The following EXOC6B variants were observed in gnomAD, a reference collection of about 807,000 sequenced individuals.
The protein encoded by EXOC6B is SEC15 homolog B.
A neutral mutation model predicts 113.5 loss-of-function variants in EXOC6B; 54 were observed. The observed-to-expected ratio is 0.48, with a 90% CI of 0.38 to 0.60. The LOEUF (loss-of-function observed/expected upper bound fraction) is 0.60, where lower values mean the gene tolerates loss of function less well. Among genes scored for constraint, EXOC6B ranks in the 20% least tolerant of loss-of-function variants. The pLI, the probability that EXOC6B is intolerant of heterozygous loss-of-function variation, is 0.00. For synonymous variants in EXOC6B, 357 were observed against 339.0 expected, an observed-to-expected ratio of 1.05 and a Z score of -0.58; for missense variants, 797 against 977.5, an observed-to-expected ratio of 0.82 and a Z score of 2.46.
In EXOC6B at chr2:72,334,928, C is replaced by T. The variant is rs1688603244; in HGVS notation, c.2196+19G>A. The T allele has an allele frequency of 1.2e-6, 2 of 1,612,218 alleles. No homozygotes were observed. The highest frequency in any genetic ancestry group is 2.2e-5 in the East Asian group (1 of 44,842). ...CACATCTTAAAAGAAAAACAAAAAACAAAAACACAAAGACTTACTTGTCTC... is the reference window on the plus strand; with the variant it reads ...CACATCTTAAAAGAAAAACAAAAAATAAAAACACAAAGACTTACTTGTCTC... On this transcript the variant is annotated intron_variant, in intron 20 of 21. Transcript: ENST00000272427.
At chr2:72,798,633 T>C (rs1263619466) in intron 1 of EXOC6B, among the ~76,000 whole-genome samples, 1 of 152,116 alleles carries the variant, frequency 6.6e-6, no homozygotes, top group Non-Finnish European at 1.5e-5. Flanking sequence ...CCATAAAAAT[T>C]CCATTATTTC....
chr2:72,518,415 G>C lies in EXOC6B; in HGVS notation c.916-3289C>G, dbSNP rs138933216. 2.2e-3 allele frequency among the ~76,000 whole-genome samples: 328 copies of C among 151,830 alleles called. 1 individual carries two copies. The highest frequency in any genetic ancestry group is 3.8e-3 in the Non-Finnish European group (260 of 67,956). ...AGTACCTGTACTTACTGAATTTATA[G>C]ACTATGGAAGACTGACAAACAAGCA... On this transcript the variant is annotated intron_variant, in intron 8 of 21. Transcript: ENST00000272427.
chr2:72,499,950 A>G lies in EXOC6B; in HGVS notation c.1190T>C (p.Leu397Pro). The G allele has an allele frequency of 1.3e-6, 2 of 1,552,528 alleles. No individual in the cohort carries two copies. Among genetic ancestry groups the G allele is most frequent in the Non-Finnish European group, 1.7e-6 (2 of 1,146,894 alleles). Residue 397 changes from leucine to proline, a missense_variant, in exon 12 of 22, where the codon CTT (leucine) becomes CCT (proline). Transcript: ENST00000272427. ...THSSYCSDPNLVLDLKNLIVL... is the reference protein window; with the variant it reads ...THSSYCSDPNPVLDLKNLIVL... ...AATGAGGTTCTTCAAATCTAACACA[A>G]GGTTTGGATCAGAACAGTAAGACTA...
chr2:72,412,754 A>G (rs1388604228), intron 18 of EXOC6B, among the ~76,000 whole-genome samples: 2 of 152,138 alleles, frequency 1.3e-5, no homozygotes, highest in African/African-American at 4.8e-5. Context: ...TTTAGTTCTT[A>G]GTTATTTCTA....
intron 1 of EXOC6B, among the ~76,000 whole-genome samples, chr2:72,758,166 C>CCA (rs1682546051): frequency 1.1e-5 from 1 of 93,822 alleles, no homozygotes. Flanking sequence ...GACTCTGTCT[C>CCA]AAAAAAAAAA....
chr2:72,711,383 A>G (rs1471594695), intron 6 of EXOC6B, among the ~76,000 whole-genome samples: 1 of 152,180 alleles, frequency 6.6e-6, no homozygotes, highest in African/African-American at 2.4e-5. Flanking sequence ...ATCTACTTCT[A>G]TGTTAAAAAC....
chr2:72,449,993 C>T (rs1246764779), intron 18 of EXOC6B, among the ~76,000 whole-genome samples: 1 of 152,168 alleles, frequency 6.6e-6, no homozygotes, highest in Non-Finnish European at 1.5e-5. Context: ...ACAGAAAGAG[C>T]AACTAGGTAT....
intron 15 of EXOC6B, among the ~76,000 whole-genome samples, chr2:72,493,936 C>T (rs1489457148): frequency 6.6e-6 from 1 of 152,076 alleles, no homozygotes; most frequent in Non-Finnish European, 1.5e-5. Flanking sequence ...TCTCATGTTC[C>T]ATGTTAGCCT....
intron 6 of EXOC6B, among the ~76,000 whole-genome samples, chr2:72,635,009 T>C (rs1672725750): frequency 1.3e-5 from 2 of 149,832 alleles, no homozygotes; most frequent in African/African-American, 4.9e-5. Flanking sequence ...TAAAAATACA[T>C]AGAACTGAAT....
chr2:72,459,719 T>G (rs1024165607), intron 18 of EXOC6B, among the ~76,000 whole-genome samples: 1 of 152,124 alleles, frequency 6.6e-6, no homozygotes, highest in Non-Finnish European at 1.5e-5. Context: ...TACAAACAAA[T>G]GGAAGAACAT....
At chr2:72,723,728 A>G (rs1294177632) in intron 5 of EXOC6B, among the ~76,000 whole-genome samples, 1 of 150,226 alleles carries the variant, frequency 6.7e-6, no homozygotes, top group Non-Finnish European at 1.5e-5. Flanking sequence ...TAGAAAAATC[A>G]GTATTTATAG....
intron 20 of EXOC6B, among the ~76,000 whole-genome samples, chr2:72,255,581 C>G (rs1383973234): frequency 6.6e-6 from 1 of 152,150 alleles, no homozygotes; most frequent in African/African-American, 2.4e-5. Context: ...TCAGTTTCCC[C>G]CTTTTGGAAT....
intron 8 of EXOC6B, among the ~76,000 whole-genome samples, chr2:72,520,057 CT>C (rs900253163): frequency 6.6e-6 from 1 of 152,136 alleles, no homozygotes; most frequent in Non-Finnish European, 1.5e-5. Flanking sequence ...ACACATAACC[CT>C]TTTAATTCTT....
chr2:72,617,517 CTTTTTT>C (rs201912352), intron 6 of EXOC6B, among the ~76,000 whole-genome samples: 2 of 96,954 alleles, frequency 2.1e-5, no homozygotes, highest in Non-Finnish European at 2.0e-5. Context: ...AATCTTTTTT[CTTTTTT>C]TTTTTTTTTT....
At chr2:72,521,930 T>C (rs1558759132) in intron 8 of EXOC6B, among the ~76,000 whole-genome samples, 1 of 152,190 alleles carries the variant, frequency 6.6e-6, no homozygotes, top group African/African-American at 2.4e-5. Context: ...TCTCGTGACC[T>C]TGTGATCCAC....
chr2:72,601,128 G>A (rs1213226922), intron 6 of EXOC6B, among the ~76,000 whole-genome samples: 1 of 3,188 alleles, frequency 3.1e-4, no homozygotes, highest in African/African-American at 1.9e-3. Flanking sequence ...GTGTGTATGT[G>A]TGTGTGTGTG....
intron 8 of EXOC6B, among the ~76,000 whole-genome samples, chr2:72,535,619 T>C (rs1035895095): frequency 6.6e-6 from 1 of 152,128 alleles, no homozygotes; most frequent in Admixed American, 6.5e-5. Flanking sequence ...ACGCCTGTAA[T>C]TCAAGCACTT....
chr2:72,394,753 G>A (rs1226510668), intron 18 of EXOC6B, among the ~76,000 whole-genome samples: 1 of 152,074 alleles, frequency 6.6e-6, no homozygotes, highest in Non-Finnish European at 1.5e-5. Flanking sequence ...AAATATTAAT[G>A]AGCAAAAGGT....
chr2:72,710,689 T>C (rs1435000251), intron 6 of EXOC6B, among the ~76,000 whole-genome samples: 2 of 152,202 alleles, frequency 1.3e-5, no homozygotes, highest in Non-Finnish European at 2.9e-5. Context: ...CAGTCAATAG[T>C]ACTGTGCCAG....
Sources: allele counts gnomAD v4.1 joint callset (sites outside exome capture counted in the v4.1 genomes callset), GRCh38; gene constraint gnomAD v4.1.1; transcripts MANE v1.5; gene names NCBI Gene and HGNC (gene_info 2026-07-23, HGNC 2026-07-21).